The following FBXL7 variants were observed in gnomAD, a reference collection of about 807,000 sequenced individuals.
The protein encoded by FBXL7 is F-box/LRR-repeat protein 7.
Under a neutral mutation model 38.3 loss-of-function variants are expected in FBXL7, and 12 were observed. That is an observed-to-expected ratio of 0.31 (90% CI 0.20 to 0.51). The LOEUF (loss-of-function observed/expected upper bound fraction) is 0.51, where lower values mean the gene tolerates loss of function less well. Ranked by LOEUF, FBXL7 falls within the 20% of genes least tolerant of loss-of-function variation. FBXL7 has a pLI of 0.98. For missense variants in FBXL7, 567 were observed against 676.4 expected (o/e 0.84, Z 1.79); for synonymous variants, 297 against 300.9 (o/e 0.99, Z 0.13).
At chr5:15,802,118 AC>A (rs1250574914) in intron 2 of FBXL7, among the ~76,000 whole-genome samples, 2 of 152,038 alleles carry the variant, frequency 1.3e-5, no homozygotes, top group Non-Finnish European at 2.9e-5. Flanking sequence ...ACTTGGCTCT[AC>A]CTCCAAAATC....
At chr5:15,845,530 T>C (rs1045859858) in intron 2 of FBXL7, among the ~76,000 whole-genome samples, 4 of 152,152 alleles carry the variant, frequency 2.6e-5, no homozygotes, top group Admixed American at 6.5e-5. Context: ...GCTAAATAAA[T>C]ATCTGTTAAA....
intron 2 of FBXL7, among the ~76,000 whole-genome samples, chr5:15,715,015 C>T (rs771202673): frequency 1.8e-4 from 27 of 152,070 alleles, no homozygotes; most frequent in Non-Finnish European, 3.1e-4. Flanking sequence ...CACAGATTCT[C>T]CCCTGAGCCT....
intron 2 of FBXL7, among the ~76,000 whole-genome samples, chr5:15,654,801 T>G (rs1446797924): frequency 6.6e-6 from 1 of 152,208 alleles, no homozygotes; most frequent in African/African-American, 2.4e-5. Flanking sequence ...AATTTTATTT[T>G]AGATTTTTAA....
At chr5:15,635,894 G>A (rs1383048918) in intron 2 of FBXL7, among the ~76,000 whole-genome samples, 1 of 149,412 alleles carries the variant, frequency 6.7e-6, no homozygotes, top group Non-Finnish European at 1.5e-5. Context: ...GGCTACTGTG[G>A]TTCTGACCCA....
At chr5:15,878,522 T>A (rs1198113908) in intron 2 of FBXL7, among the ~76,000 whole-genome samples, 1 of 152,180 alleles carries the variant, frequency 6.6e-6, no homozygotes, top group Non-Finnish European at 1.5e-5. Context: ...TTCAAACTAT[T>A]TATAATTAAT....
At chr5:15,639,405 A>G (rs1416408203) in intron 2 of FBXL7, among the ~76,000 whole-genome samples, 3 of 152,122 alleles carry the variant, frequency 2.0e-5, no homozygotes, top group Admixed American at 1.3e-4. Context: ...TTCTTATGAT[A>G]GTGAATGAGT....
intron 2 of FBXL7, among the ~76,000 whole-genome samples, chr5:15,918,777 C>T (rs1741666503): frequency 6.6e-6 from 1 of 152,200 alleles, no homozygotes; most frequent in Admixed American, 6.5e-5. Context: ...GGTCTTTTGT[C>T]CTTGGACAGG....
intron 1 of FBXL7, among the ~76,000 whole-genome samples, chr5:15,538,398 A>T (rs192519898): frequency 6.6e-6 from 1 of 152,218 alleles, no homozygotes; most frequent in Admixed American, 6.5e-5. Context: ...TTGCTTTTCA[A>T]TGGTTCGTTA....
intron 2 of FBXL7, among the ~76,000 whole-genome samples, chr5:15,868,621 GTAAAGC>G (rs1185870871): frequency 6.6e-6 from 1 of 152,110 alleles, no homozygotes; most frequent in Admixed American, 6.5e-5. Context: ...GAAGGTATAG[GTAAAGC>G]ACTCAGAAGA....
At chr5:15,698,575 T>G (rs1433023819) in intron 2 of FBXL7, among the ~76,000 whole-genome samples, 4 of 152,214 alleles carry the variant, frequency 2.6e-5, no homozygotes, top group African/African-American at 9.6e-5. Context: ...TTTAAAACAG[T>G]GATGATAGAT....
intron 2 of FBXL7, among the ~76,000 whole-genome samples, chr5:15,707,454 C>T (rs1289184198): frequency 6.6e-6 from 1 of 152,028 alleles, no homozygotes; most frequent in Non-Finnish European, 1.5e-5. Flanking sequence ...AAGGACATTA[C>T]ATATTTGTGA....
intron 2 of FBXL7, among the ~76,000 whole-genome samples, chr5:15,665,144 CA>C (rs1387334170): frequency 1.3e-5 from 2 of 152,146 alleles, no homozygotes; most frequent in African/African-American, 2.4e-5. Context: ...GGTGATGATT[CA>C]TGCTTGCTCC....
Position 15,937,595 on chromosome 5 carries a change from C to T in FBXL7, c.*409C>T, listed in dbSNP as rs1428597587. On this transcript the variant is annotated 3_prime_UTR_variant, in exon 4 of 4. Coordinates refer to ENST00000504595, the MANE Select transcript of FBXL7 (RefSeq NM_012304.5). ...CCCTCCCTAGAGCAGCAGCGAGGAT[C>T]CATCATCAGAATCACAGTGCTCTCC... 5.4e-6 allele frequency: 1 copy of T among 185,222 alleles called. No individual in the cohort carries two copies. Among genetic ancestry groups the T allele is most frequent in the African/African-American group, 2.5e-5 (1 of 39,818 alleles). 11.5% of individuals were successfully genotyped at this position (185,222 alleles called of 1,614,324 possible). A position where few individuals can be genotyped will look rare whatever the true frequency, so the allele number is the denominator to read the frequency against.
chr5:15,746,106 G>A (rs961133919), intron 2 of FBXL7, among the ~76,000 whole-genome samples: 4 of 152,158 alleles, frequency 2.6e-5, no homozygotes, highest in African/African-American at 9.7e-5. Flanking sequence ...GAGTGTGGTA[G>A]AATGATACTA....
rs537374855 is a variant in FBXL7, at chr5:15,703,729, A to G, written c.127+87657A>G. 4.4e-4 allele frequency among the ~76,000 whole-genome samples: 67 copies of G among 152,314 alleles called. 1 individual carries two copies. The South Asian group carries it at 0.012, about 27-fold the overall frequency. On this transcript the variant is annotated intron_variant, in intron 2 of 3. Coordinates refer to ENST00000504595, the MANE Select transcript of FBXL7 (RefSeq NM_012304.5). ...GATAATAAGTAAGTGCTAATTTTGA[A>G]GGGTGTGACGTCTCTGATTCAAAAT...
chr5:15,583,483 C>T (rs555539253), intron 1 of FBXL7, among the ~76,000 whole-genome samples: 2 of 152,296 alleles, frequency 1.3e-5, no homozygotes, highest in South Asian at 4.1e-4. Flanking sequence ...TTCCAAGATA[C>T]AATGGGGGTG....
At chr5:15,514,242 A>T (rs1736874118) in intron 1 of FBXL7, among the ~76,000 whole-genome samples, 1 of 152,218 alleles carries the variant, frequency 6.6e-6, no homozygotes, top group South Asian at 2.1e-4. Flanking sequence ...TGAAATTCCC[A>T]AGTTGCTGCC....
intron 2 of FBXL7, among the ~76,000 whole-genome samples, chr5:15,771,072 C>G (rs1462846137): frequency 6.6e-6 from 1 of 152,190 alleles, no homozygotes; most frequent in African/African-American, 2.4e-5. Context: ...GCTTTCTTCC[C>G]TGTTTTGCAG....
chr5:15,505,315 A>T (rs932743162), intron 1 of FBXL7, among the ~76,000 whole-genome samples: 2 of 152,128 alleles, frequency 1.3e-5, no homozygotes, highest in African/African-American at 2.4e-5. Flanking sequence ...ACCAGAGAGG[A>T]TGATCATTTT....
Sources: allele counts gnomAD v4.1 joint callset (sites outside exome capture counted in the v4.1 genomes callset), GRCh38; gene constraint gnomAD v4.1.1; transcripts MANE v1.5; gene names NCBI Gene and HGNC (gene_info 2026-07-23, HGNC 2026-07-21).